The following ARIH2 variants were observed in gnomAD, a reference collection of about 807,000 sequenced individuals.
ARIH2 encodes the protein ariadne RBR E3 ubiquitin protein ligase 2.
Under a neutral mutation model 79.8 loss-of-function variants are expected in ARIH2, and 12 were observed. The observed-to-expected ratio is 0.15, with a 90% CI of 0.10 to 0.24. The LOEUF (loss-of-function observed/expected upper bound fraction) is 0.24, where lower values mean the gene tolerates loss of function less well. ARIH2 is among the 10% of genes least tolerant of loss of function. The pLI, the probability that ARIH2 is intolerant of heterozygous loss-of-function variation, is 1.00. For missense variants in ARIH2, 301 were observed against 618.3 expected (o/e 0.49, Z 5.44); for synonymous variants, 224 against 213.9 (o/e 1.05, Z -0.41).
At chr3:48,923,923 C>T (rs1328860053) in intron 2 of ARIH2, among the ~76,000 whole-genome samples, 1 of 152,086 alleles carries the variant, frequency 6.6e-6, no homozygotes, top group Non-Finnish European at 1.5e-5. Context: ...CGCTTGAGGC[C>T]AGGAGTTTGA....
chr3:48,957,800 C>T (rs1402303287), intron 3 of ARIH2, among the ~76,000 whole-genome samples: 1 of 152,210 alleles, frequency 6.6e-6, no homozygotes, highest in Non-Finnish European at 1.5e-5. Context: ...ACTACAACCT[C>T]CGCCTCCCGG....
intron 7 of ARIH2, 45 bp downstream of exon 7, chr3:48,968,700 T>G: frequency 6.3e-7 from 1 of 1,585,528 alleles, no homozygotes; most frequent in African/African-American, 1.3e-5. Context: ...CGGGCCTACC[T>G]TCCATCAGAG....
At chr3:48,978,485 T>TATA (rs2092634506) in intron 11 of ARIH2, among the ~76,000 whole-genome samples, 4 of 117,440 alleles carry the variant, frequency 3.4e-5, no homozygotes, top group African/African-American at 8.9e-5. Flanking sequence ...ATATATATAT[T>TATA]TTTTTTTTTT....
chr3:48,934,453 A>G (rs2086837817), intron 3 of ARIH2: 2 of 985,202 alleles, frequency 2.0e-6, no homozygotes, highest in African/African-American at 1.7e-5. Context: ...TATTGTTGCT[A>G]CTACTCATGG....
At chr3:48,924,691 T>A (rs943853434) in intron 2 of ARIH2, 12 of 151,600 alleles carry the variant, frequency 7.9e-5, no homozygotes, top group Admixed American at 5.9e-4. Context: ...AATTTATTTT[T>A]TATTTTTTAT....
intron 3 of ARIH2, among the ~76,000 whole-genome samples, chr3:48,942,689 T>A (rs2088500238): frequency 6.7e-6 from 1 of 148,996 alleles, no homozygotes; most frequent in Non-Finnish European, 1.5e-5. Context: ...TTCGCTCTTG[T>A]TGCCCAGGCT....
In ARIH2 at chr3:48,918,879, G is replaced by C. The variant is rs774523567; in HGVS notation, c.-281G>C. ...ACGACTCTTCTGGAGGAAGCAGCGC[G>C]GGCTTGACCGGCGTCGGCCCGCCGC... On this transcript the variant is annotated 5_prime_UTR_variant, in exon 1 of 16. Coordinates refer to ENST00000356401, the MANE Select transcript of ARIH2 (RefSeq NM_006321.4). The C allele has an allele frequency of 2.5e-6, 4 of 1,608,166 alleles. No individual in the cohort carries two copies. In the Admixed American group the frequency reaches 6.7e-5, roughly 27 times the overall value.
chr3:48,981,921 A>G (rs998869090), intron 14 of ARIH2, among the ~76,000 whole-genome samples, 193 bp downstream of exon 14: 2 of 152,184 alleles, frequency 1.3e-5, no homozygotes, highest in African/African-American at 4.8e-5. Flanking sequence ...ATTTTGTGTC[A>G]TATAAGGCAC....
In ARIH2 at chr3:48,927,453, C is replaced by G; in HGVS notation, c.-97-9C>G. ...AAAAGTAACACTTATTTTTTTTTTC[C>G]TCCCTTAGAAGACAAAAATACTAAT... On this transcript the variant is annotated splice_polypyrimidine_tract_variant and intron_variant, in intron 2 of 15. Coordinates refer to ENST00000356401, the MANE Select transcript of ARIH2 (RefSeq NM_006321.4). The G allele has an allele frequency of 7.3e-7, 1 of 1,379,210 alleles. No individual in the cohort carries two copies. Among genetic ancestry groups the G allele is most frequent in the African/African-American group, 1.5e-5 (1 of 68,442 alleles). 85.4% of individuals were successfully genotyped at this position (1,379,210 alleles called of 1,614,324 possible). A position where few individuals can be genotyped will look rare whatever the true frequency, so the allele number is the denominator to read the frequency against.
intron 3 of ARIH2, among the ~76,000 whole-genome samples, chr3:48,937,662 C>T (rs1576220882): frequency 6.6e-6 from 1 of 152,074 alleles, no homozygotes; most frequent in East Asian, 1.9e-4. Context: ...AATTTGACTC[C>T]AAACCTCTAC....
intron 3 of ARIH2, among the ~76,000 whole-genome samples, chr3:48,928,381 C>G (rs2085918160): frequency 6.6e-6 from 1 of 152,192 alleles, no homozygotes; most frequent in Non-Finnish European, 1.5e-5. Context: ...ACCCCATCAG[C>G]AAGCATTTTA....
At chr3:48,934,667 G>A (rs1459096477) in intron 3 of ARIH2, 1 of 985,326 alleles carries the variant, frequency 1.0e-6, no homozygotes, top group African/African-American at 1.7e-5. Context: ...GAAGTCTGAG[G>A]TGTGTTTACT....
At chr3:48,960,136 C>T (rs1376357920) in intron 3 of ARIH2, among the ~76,000 whole-genome samples, 1 of 152,170 alleles carries the variant, frequency 6.6e-6, no homozygotes, top group African/African-American at 2.4e-5. Flanking sequence ...GTGTATTGCT[C>T]TCTCTGGGAA....
chr3:48,944,137 C>T (rs985999750), intron 3 of ARIH2, among the ~76,000 whole-genome samples: 4 of 152,018 alleles, frequency 2.6e-5, no homozygotes, highest in South Asian at 2.1e-4. Flanking sequence ...TTAAATGCAC[C>T]CTAAAAGATA....
At position 48,927,440 on chromosome 3, in the gene ARIH2, TA is replaced by T; in HGVS notation, c.-97-21del. 3 of 1,255,440 alleles carry T rather than the reference TA, an allele frequency of 2.4e-6. No individual in the cohort carries two copies. In the Admixed American group the frequency reaches 7.5e-5, roughly 32 times the overall value. The allele number at this position is 1,255,440 out of a possible 1,614,324, so 77.8% of individuals were successfully genotyped here. ...CTTGTCATGGGGAAAAAGTAACACT[TA>T]TTTTTTTTTTCCTCCCTTAGAAGAC... On this transcript the variant is annotated intron_variant, in intron 2 of 15. Coordinates refer to ENST00000356401, the MANE Select transcript of ARIH2 (RefSeq NM_006321.4).
chr3:48,941,795 G>C (rs554463062), intron 3 of ARIH2, among the ~76,000 whole-genome samples: 1 of 151,152 alleles, frequency 6.6e-6, no homozygotes, highest in East Asian at 2.0e-4. Context: ...GGTTAGCCAG[G>C]ATAGTCTCGA....
chr3:48,962,859 G>GTATGTTTTTTTTT (rs972527520), intron 4 of ARIH2, among the ~76,000 whole-genome samples: 1 of 151,858 alleles, frequency 6.6e-6, no homozygotes, highest in African/African-American at 2.4e-5. Flanking sequence ...TTCTCGTATG[G>GTATGTTTTTTTTT]TATGTTTTTT....
chr3:48,959,649 C>CA (rs71077758), intron 3 of ARIH2, among the ~76,000 whole-genome samples: 8,605 of 49,812 alleles, frequency 0.17, 831 homozygotes, highest in African/African-American at 0.28. Flanking sequence ...TAAAAAATAC[C>CA]AAAAAAAAAA....
intron 3 of ARIH2, among the ~76,000 whole-genome samples, chr3:48,930,968 T>A (rs1250531597): frequency 6.6e-6 from 1 of 152,228 alleles, no homozygotes; most frequent in Non-Finnish European, 1.5e-5. Context: ...TTGATTCTCA[T>A]GTCTGTGTAC....
Sources: allele counts gnomAD v4.1 joint callset (sites outside exome capture counted in the v4.1 genomes callset), GRCh38; gene constraint gnomAD v4.1.1; transcripts MANE v1.5; gene names NCBI Gene and HGNC (gene_info 2026-07-23, HGNC 2026-07-21).